PTPRN2: variants seen among roughly 807,000 people sequenced by gnomAD.
The protein encoded by PTPRN2 is protein tyrosine phosphatase receptor type N2.
In PTPRN2, 74 loss-of-function variants were observed where a neutral mutation model predicts 118.8. That is an observed-to-expected ratio of 0.62 (90% CI 0.52 to 0.76). PTPRN2 has a LOEUF of 0.76. Ranked by LOEUF, PTPRN2 falls within the 30% of genes least tolerant of loss-of-function variation. The pLI, the probability that PTPRN2 is intolerant of heterozygous loss-of-function variation, is 0.00. For synonymous variants in PTPRN2, 641 were observed against 608.0 expected, an observed-to-expected ratio of 1.05 and a Z score of -0.80; for missense variants, 1,481 against 1,394.4, an observed-to-expected ratio of 1.06 and a Z score of -0.99.
intron 9 of PTPRN2, among the ~76,000 whole-genome samples, chr7:158,127,378 G>A (rs761972815): frequency 9.2e-5 from 14 of 151,988 alleles, no homozygotes; most frequent in Non-Finnish European, 8.8e-5. Context: ...CCTGAGCCCC[G>A]TTCATCTCTC....
intron 2 of PTPRN2, among the ~76,000 whole-genome samples, chr7:158,482,783 T>C (rs1820738887): frequency 6.6e-6 from 1 of 152,226 alleles, no homozygotes; most frequent in South Asian, 2.1e-4. Flanking sequence ...TAGTTTTTCT[T>C]GGGCAATTTC....
In PTPRN2 at chr7:157,682,823, G is replaced by A. The variant is rs1188432621; in HGVS notation, c.1903C>T (p.Leu635Phe). Residue 635 changes from leucine (L) to phenylalanine (F), a missense_variant, in exon 13 of 23, where the codon CTC (leucine) becomes TTC (phenylalanine). Transcript: ENST00000389418. ...GAGCTATGGCGGAGGCAGTAGATGA[G>A]GCCAGAGGCCAGGAGGACGCCCAGG... ...CILGVLLASG[L>F]IYCLRHSSQH... The A allele has an allele frequency of 6.2e-7, 1 of 1,614,058 alleles. No homozygotes were observed. The highest frequency in any genetic ancestry group is 8.5e-7 in the Non-Finnish European group (1 of 1,180,020).
At chr7:158,490,323 G>A (rs567807702) in intron 1 of PTPRN2, among the ~76,000 whole-genome samples, 2 of 152,324 alleles carry the variant, frequency 1.3e-5, no homozygotes, top group Admixed American at 6.5e-5. Flanking sequence ...AGGAGGCAGC[G>A]GAGGCAGCAG....
chr7:158,171,139 CACATATATATACACAT>C (rs1563554670), intron 5 of PTPRN2, among the ~76,000 whole-genome samples: 18 of 85,768 alleles, frequency 2.1e-4, no homozygotes, highest in South Asian at 1.5e-3. Context: ...CATATATACA[CACATATATATACACAT>C]ATATATACAC....
intron 1 of PTPRN2, among the ~76,000 whole-genome samples, chr7:158,524,586 T>G (rs1198842878): frequency 1.3e-5 from 2 of 150,952 alleles, no homozygotes; most frequent in East Asian, 1.9e-4. Context: ...CGCTGAGGAG[T>G]GCGAGGAAAG....
At chr7:158,423,870 C>T (rs1478246328) in intron 2 of PTPRN2, among the ~76,000 whole-genome samples, 2 of 152,126 alleles carry the variant, frequency 1.3e-5, no homozygotes, top group Non-Finnish European at 2.9e-5. Flanking sequence ...ACGGCCAACA[C>T]TGGAATGGAA....
At chr7:158,249,482 GCA>G (rs962828767) in intron 3 of PTPRN2, among the ~76,000 whole-genome samples, 7 of 134,688 alleles carry the variant, frequency 5.2e-5, no homozygotes, top group East Asian at 4.5e-4. Flanking sequence ...TACCACACCT[GCA>G]CACACACACC....
chr7:158,277,884 G>A (rs929493210), intron 3 of PTPRN2, among the ~76,000 whole-genome samples: 1 of 152,154 alleles, frequency 6.6e-6, no homozygotes, highest in Non-Finnish European at 1.5e-5. Flanking sequence ...CTGGCATCAC[G>A]GCTGCGGCAG....
rs941597874 is a variant in PTPRN2 at position 157,674,523 on chromosome 7, C to T, written c.2001+8202G>A. 1.3e-5 allele frequency among the ~76,000 whole-genome samples: 2 copies of T among 152,256 alleles called. No individual in the cohort carries two copies. Among genetic ancestry groups the T allele is most frequent in the African/African-American group, 4.8e-5 (2 of 41,472 alleles). Reference sequence around the variant, plus strand: ...TCATTCCTCATCCCACCACCCCGCGCAGCGTCTTGCCTCCTTTTATGCCGG... The same window carrying T: ...TCATTCCTCATCCCACCACCCCGCGTAGCGTCTTGCCTCCTTTTATGCCGG... On this transcript the variant is annotated intron_variant, in intron 13 of 22. Transcript: ENST00000389418. The surrounding 1 kb of genome is among the most constrained non-coding windows in gnomAD (Gnocchi z 4.5).
chr7:157,785,533 G>T lies in PTPRN2; in HGVS notation c.1789-102596C>A, dbSNP rs939897763. Among the ~76,000 whole-genome samples the T allele has an allele frequency of 2.4e-4, 37 of 152,162 alleles. No individual in the cohort carries two copies. The highest frequency in any genetic ancestry group is 8.7e-4 in the African/African-American group (36 of 41,428). On this transcript the variant is annotated intron_variant, in intron 12 of 22. Coordinates refer to ENST00000389418, the MANE Select transcript of PTPRN2 (RefSeq NM_002847.5). The surrounding 1 kb of genome is among the most constrained non-coding windows in gnomAD (Gnocchi z 7.3). ...GACCAGAGCGCCTGCGACCTGCCTG[G>T]GTGCCATCCGCAAACCTGGTCTCTG...
intron 11 of PTPRN2, among the ~76,000 whole-genome samples, chr7:158,063,538 T>C (rs984916916): frequency 6.6e-6 from 1 of 152,206 alleles, no homozygotes; most frequent in Non-Finnish European, 1.5e-5. Flanking sequence ...CCTTTCACAT[T>C]GTGGAAGCTT....
At chr7:157,807,264 A>G (rs905959852) in intron 12 of PTPRN2, among the ~76,000 whole-genome samples, 1 of 152,230 alleles carries the variant, frequency 6.6e-6, no homozygotes, top group African/African-American at 2.4e-5. Context: ...GGGTTGGGGC[A>G]GACAGAGTAG....
At chr7:157,723,507 G>A (rs956124187) in intron 12 of PTPRN2, among the ~76,000 whole-genome samples, 4 of 152,154 alleles carry the variant, frequency 2.6e-5, no homozygotes, top group African/African-American at 4.8e-5. Flanking sequence ...TGCGCTCGCC[G>A]GCTGTGTTCC....
chr7:158,119,368 C>A (rs1402124360), intron 9 of PTPRN2, among the ~76,000 whole-genome samples: 1 of 152,068 alleles, frequency 6.6e-6, no homozygotes, highest in Non-Finnish European at 1.5e-5. Context: ...AAGAAAAAAA[C>A]CCAGAAAATA....
At chr7:158,548,086 C>T (rs761841534) in intron 1 of PTPRN2, among the ~76,000 whole-genome samples, 1 of 152,210 alleles carries the variant, frequency 6.6e-6, no homozygotes, top group Non-Finnish European at 1.5e-5. Context: ...GCACCCTCGG[C>T]TCAGACTCAA....
chr7:158,341,998 A>T (rs1806935342), intron 2 of PTPRN2, among the ~76,000 whole-genome samples: 3 of 148,774 alleles, frequency 2.0e-5, no homozygotes, highest in African/African-American at 7.5e-5. Flanking sequence ...ATAAGAGGTG[A>T]CACCTGCAGA....
In PTPRN2 at chr7:158,565,815, C is replaced by G. The variant is rs1827637884; in HGVS notation, c.112+21743G>C. ...TCCCACATCTCCAAACACAGATCTG[C>G]CTATTGTCTCTGCCAGATGCAGGAT... On this transcript the variant is annotated intron_variant, in intron 1 of 22. Transcript: ENST00000389418. This position sits in a 1 kb window ranked among gnomAD's most constrained non-coding sequence, Gnocchi z 4.6. Among the ~76,000 whole-genome samples the G allele has an allele frequency of 6.6e-6, 1 of 152,208 alleles. No individual in the cohort carries two copies. The highest frequency in any genetic ancestry group is 2.4e-5 in the African/African-American group (1 of 41,446).
chr7:158,343,300 G>C (rs151085275), intron 2 of PTPRN2, among the ~76,000 whole-genome samples: 1 of 152,150 alleles, frequency 6.6e-6, no homozygotes, highest in Non-Finnish European at 1.5e-5. Flanking sequence ...CAGGGAAGGC[G>C]CCCAGCATCA....
intron 12 of PTPRN2, among the ~76,000 whole-genome samples, chr7:157,833,718 C>T (rs529470477): frequency 8.5e-5 from 13 of 152,312 alleles, no homozygotes; most frequent in Admixed American, 4.6e-4. Flanking sequence ...GAGATGCAGC[C>T]GTTAGTATGA....
Sources: allele counts gnomAD v4.1 joint callset (sites outside exome capture counted in the v4.1 genomes callset), GRCh38; gene constraint gnomAD v4.1.1; non-coding constraint Gnocchi (gnomAD v3.1); transcripts MANE v1.5; gene names NCBI Gene and HGNC (gene_info 2026-07-23, HGNC 2026-07-21).